Variants in PHF21B observed in about 807,000 individuals in gnomAD.
PHF21B encodes the protein PHD finger protein 4.
PHF21B carries 22 observed loss-of-function variants against 62.2 expected under a neutral mutation model. That is an observed-to-expected ratio of 0.35 (90% CI 0.25 to 0.51). PHF21B has a LOEUF of 0.51. PHF21B is among the 20% of genes least tolerant of loss of function. PHF21B has a pLI of 0.97. For synonymous variants in PHF21B, 341 were observed against 314.7 expected (o/e 1.08, Z -0.88); for missense variants, 701 against 707.9 (o/e 0.99, Z 0.11).
chr22:44,906,379 T>G (rs1217577741), intron 5 of PHF21B, among the ~76,000 whole-genome samples: 1 of 152,022 alleles, frequency 6.6e-6, no homozygotes, highest in Non-Finnish European at 1.5e-5. Context: ...CGGGCCAGGG[T>G]CCACTGCAGT....
chr22:45,003,432 G>C (rs1326497823), intron 2 of PHF21B: 1 of 147,660 alleles, frequency 6.8e-6, no homozygotes, highest in African/African-American at 2.5e-5. Flanking sequence ...AGCTGATCTA[G>C]GAAGATCTAC....
At chr22:44,984,176 T>TAAC (rs2072900629) in intron 2 of PHF21B, among the ~76,000 whole-genome samples, 2 of 141,004 alleles carry the variant, frequency 1.4e-5, no homozygotes, top group Non-Finnish European at 3.1e-5. Flanking sequence ...ATCATCACCA[T>TAAC]CACAACCACC....
Position 44,889,802 on chromosome 22 carries a change from C to A in PHF21B, c.1016-20G>T. On this transcript the variant is annotated intron_variant, in intron 8 of 12. Transcript: ENST00000313237. ...CATTGGCTAGCACAGGGAAGAAGGGCGGAGAACACGTTAGTGGCCGTCAGA... is the reference window on the plus strand; with the variant it reads ...CATTGGCTAGCACAGGGAAGAAGGGAGGAGAACACGTTAGTGGCCGTCAGA... 1.3e-6 allele frequency: 2 copies of A among 1,547,500 alleles called. No individual in the cohort carries two copies. Among genetic ancestry groups the A allele is most frequent in the African/African-American group, 1.4e-5 (1 of 70,256 alleles).
chr22:44,964,387 C>T (rs951666151), intron 2 of PHF21B, among the ~76,000 whole-genome samples: 1 of 152,150 alleles, frequency 6.6e-6, no homozygotes, highest in Non-Finnish European at 1.5e-5. Flanking sequence ...CACTGACTCT[C>T]GCACCCCTGA....
At chr22:44,978,986 C>A (rs1439469628) in intron 2 of PHF21B, among the ~76,000 whole-genome samples, 5 of 152,210 alleles carry the variant, frequency 3.3e-5, no homozygotes, top group Non-Finnish European at 7.3e-5. Context: ...CACAGCCTCA[C>A]CCCCAGTAAC....
chr22:44,892,189 T>C (rs1351203804), intron 7 of PHF21B, among the ~76,000 whole-genome samples: 1 of 151,990 alleles, frequency 6.6e-6, no homozygotes, highest in Non-Finnish European at 1.5e-5. Context: ...TTTCCTTGGG[T>C]GGAGGCTGAA....
chr22:45,008,241 C>G (rs999308415), intron 2 of PHF21B: 3 of 255,746 alleles, frequency 1.2e-5, no homozygotes, highest in Admixed American at 5.5e-5. Flanking sequence ...GGACTCCGAG[C>G]CGGGAGAAAT....
chr22:44,922,709 T>C (rs12160871), intron 2 of PHF21B, among the ~76,000 whole-genome samples: 1,526 of 152,342 alleles, frequency 0.01, 30 homozygotes, highest in African/African-American at 0.034. Context: ...AAATTTTAAA[T>C]GCCATTTGCA....
intron 2 of PHF21B, among the ~76,000 whole-genome samples, chr22:44,979,866 C>T (rs1420371959): frequency 6.6e-6 from 1 of 151,772 alleles, no homozygotes; most frequent in Non-Finnish European, 1.5e-5. Context: ...GTCAGGAGTT[C>T]AAGACCAGTC....
chr22:44,930,813 G>A (rs538206034), intron 2 of PHF21B, among the ~76,000 whole-genome samples: 5 of 152,334 alleles, frequency 3.3e-5, no homozygotes, highest in South Asian at 2.1e-4. Context: ...CGCAAGGGCG[G>A]CACCCCCCAA....
intron 2 of PHF21B, among the ~76,000 whole-genome samples, chr22:44,927,271 C>T (rs1330473263): frequency 6.6e-6 from 1 of 152,126 alleles, no homozygotes; most frequent in African/African-American, 2.4e-5. Context: ...CAGTGCCTGG[C>T]CATGCGTGTC....
chr22:44,921,614 C>T (rs187485985), intron 2 of PHF21B, among the ~76,000 whole-genome samples: 24 of 151,892 alleles, frequency 1.6e-4, no homozygotes, highest in Admixed American at 3.9e-4. Flanking sequence ...ATCCACCCCC[C>T]GCCTCGGCCT....
chr22:44,934,398 G>A (rs369494295), intron 2 of PHF21B, among the ~76,000 whole-genome samples: 1 of 152,316 alleles, frequency 6.6e-6, no homozygotes, highest in East Asian at 1.9e-4. Flanking sequence ...CCTTACAGAC[G>A]TCCACATCCA....
chr22:44,976,591 T>TA (rs2072742039), intron 2 of PHF21B, among the ~76,000 whole-genome samples: 1 of 152,272 alleles, frequency 6.6e-6, no homozygotes, highest in South Asian at 2.1e-4. Flanking sequence ...TTCTGCAAGT[T>TA]ATACAAGTTG....
intron 3 of PHF21B, among the ~76,000 whole-genome samples, chr22:44,918,860 C>T (rs1251901137): frequency 6.6e-6 from 1 of 152,214 alleles, no homozygotes; most frequent in African/African-American, 2.4e-5. Flanking sequence ...TGGAGCCTGC[C>T]TTGCTCTGAA....
In PHF21B at chr22:44,883,061, G is replaced by A. The variant is rs2070765768; in HGVS notation, c.*25C>T. 1 of 1,583,638 alleles carries A rather than the reference G, an allele frequency of 6.3e-7. No individual in the cohort carries two copies. Among genetic ancestry groups the A allele is most frequent in the African/African-American group, 1.3e-5 (1 of 74,276 alleles). ...AAGCAGGGTCCCAATAACTTTCCGT[G>A]GGTATGAAGACTGGTCCCTCGGGGT... On this transcript the variant is annotated 3_prime_UTR_variant, in exon 13 of 13. Transcript: ENST00000313237.
intron 2 of PHF21B, among the ~76,000 whole-genome samples, chr22:45,007,576 GGGGGCAGC>G (rs2073343511): frequency 8.3e-6 from 1 of 120,916 alleles, no homozygotes. Context: ...GAGGGAGGGA[GGGGGCAGC>G]GGAGGGAGGG....
chr22:44,921,401 T>A (rs931018458), intron 2 of PHF21B, among the ~76,000 whole-genome samples: 1 of 151,566 alleles, frequency 6.6e-6, no homozygotes, highest in African/African-American at 2.4e-5. Flanking sequence ...GGAGTCTTGC[T>A]CTGTCCCCAG....
At chr22:45,008,655 C>G (rs1430407582) in intron 1 of PHF21B, 45 bp from the exon 2 acceptor site, 2 of 1,529,530 alleles carry the variant, frequency 1.3e-6, no homozygotes, top group Non-Finnish European at 1.8e-6. Flanking sequence ...CACCCGGGGT[C>G]AGGTGCACCC....
Sources: gnomAD v4.1 joint callset for allele counts (sites outside exome capture counted in the v4.1 genomes callset) on GRCh38, gnomAD v4.1.1 for gene constraint, MANE v1.5 for transcripts, NCBI Gene and HGNC (gene_info 2026-07-23, HGNC 2026-07-21) for gene names.